The following ORMDL2 variants were observed in gnomAD, a reference collection of about 807,000 sequenced individuals.
ORMDL2 encodes the protein ORM1-like protein 2.
ORMDL2 carries 11 observed loss-of-function variants against 13.5 expected under a neutral mutation model. That is an observed-to-expected ratio of 0.82 (90% CI 0.51 to 1.35). ORMDL2 has a LOEUF of 1.35. ORMDL2 is among the 40% of genes most tolerant of loss of function. The pLI, the probability that ORMDL2 is intolerant of heterozygous loss-of-function variation, is 0.00. For synonymous variants in ORMDL2, 73 were observed against 76.5 expected (o/e 0.95, Z 0.24); for missense variants, 160 against 191.1 (o/e 0.84, Z 0.96).
chr12:55,818,105 G>A lies in ORMDL2; in HGVS notation c.-9G>A, dbSNP rs748123259. 2.0e-6 allele frequency: 1 copy of A among 490,524 alleles called. No homozygotes were observed. 30.4% of individuals were successfully genotyped at this position (490,524 alleles called of 1,614,324 possible). A position where few individuals can be genotyped will look rare whatever the true frequency, so the allele number is the denominator to read the frequency against. On this transcript the variant is annotated 5_prime_UTR_variant, in exon 1 of 4. Coordinates refer to ENST00000243045, the MANE Select transcript of ORMDL2 (RefSeq NM_014182.5). ...CGCCCATAGCCGGACGGGGATCTGAGCTGGCAGGTAGGAGCTGCAAAGACT... is the reference window on the plus strand; with the variant it reads ...CGCCCATAGCCGGACGGGGATCTGAACTGGCAGGTAGGAGCTGCAAAGACT...
chr12:55,819,959 C>T (rs766327746), intron 3 of ORMDL2, among the ~76,000 whole-genome samples: 1 of 152,142 alleles, frequency 6.6e-6, no homozygotes, highest in South Asian at 2.1e-4. Flanking sequence ...AAAGTAAATG[C>T]TGTTGATATA....
chr12:55,820,559 G>C lies in ORMDL2; in HGVS notation c.*164G>C. On this transcript the variant is annotated 3_prime_UTR_variant, in exon 4 of 4. Transcript: ENST00000243045. ...AGAAGAGAAGAGATTGGCAAATGGG[G>C]CTCCTGGGCCCAGTCCTGCTAGTGG... 1.2e-6 allele frequency: 1 copy of C among 820,178 alleles called. No individual in the cohort carries two copies. The allele number at this position is 820,178 out of a possible 1,614,324, so 50.8% of individuals were successfully genotyped here. A position where few individuals can be genotyped will look rare whatever the true frequency, so the allele number is the denominator to read the frequency against.
At chr12:55,818,155 T>C (rs1164701112) in intron 1 of ORMDL2, 43 bp downstream of exon 1, 2 of 457,838 alleles carry the variant, frequency 4.4e-6, no homozygotes, top group South Asian at 3.1e-5. Context: ...GGAAAAATGG[T>C]GGGAGGCGAA....
intron 2 of ORMDL2, 32 bp from the exon 3 acceptor site, chr12:55,819,309 TG>T: frequency 1.2e-6 from 2 of 1,601,418 alleles, no homozygotes; most frequent in Non-Finnish European, 8.5e-7. Flanking sequence ...AACTACTTTC[TG>T]CCCCTCACAC....
intron 3 of ORMDL2, 138 bp from the exon 4 acceptor site, chr12:55,820,122 T>A (rs1880626306): frequency 1.3e-6 from 1 of 764,686 alleles, no homozygotes; most frequent in Non-Finnish European, 2.2e-6. Flanking sequence ...GAGTTTGAGG[T>A]TGTACTGCAC....
rs1385318393 is a variant in ORMDL2 at position 55,819,469 on chromosome 12, T to G, written c.302T>G (p.Phe101Cys). 6.2e-7 allele frequency: 1 copy of G among 1,613,962 alleles called. No homozygotes were observed. Among genetic ancestry groups the G allele is most frequent in the Non-Finnish European group, 8.5e-7 (1 of 1,180,030 alleles). The change falls in exon 3 of 4, where the codon TTC becomes TGC. Residue 101 changes from phenylalanine (F) to cysteine (C), a missense_variant. By Grantham distance (205) the Phe-to-Cys change is radical. Transcript: ENST00000243045. ...CTCCAGTTTACCTCTTCCCGCAAGT[T>G]CCTCAGCATCTCTCCTATTGTGCTG... is the stretch of plus-strand genomic sequence containing the variant. ...YGLQFTSSRK[F>C]LSISPIVLYL... is the part of the protein sequence containing the mutation.
Position 55,819,327 on chromosome 12 carries a change from C to A in ORMDL2, c.175-15C>A, listed in dbSNP as rs1306856472. ...TACTTTCTGCCCCTCACACTGCCAC[C>A]TTCCCTGTTCCCAGGCTACGTATGT... is the stretch of plus-strand genomic sequence containing the variant. On this transcript the variant is annotated splice_polypyrimidine_tract_variant and intron_variant, in intron 2 of 3. Transcript: ENST00000243045. The A allele has an allele frequency of 6.2e-7, 1 of 1,609,420 alleles. No homozygotes were observed.
intron 2 of ORMDL2, 31 bp from the exon 3 acceptor site, chr12:55,819,311 C>T: frequency 6.2e-7 from 1 of 1,601,780 alleles, no homozygotes; most frequent in East Asian, 2.2e-5. Flanking sequence ...CTACTTTCTG[C>T]CCCTCACACT....
chr12:55,818,269 C>G, intron 1 of ORMDL2, 157 bp downstream of exon 1: 7 of 182,956 alleles, frequency 3.8e-5, no homozygotes, highest in South Asian at 5.3e-5. Context: ...GGGCATGGGG[C>G]GGGCTTAAGG....
Position 55,821,843 on chromosome 12 carries a change from A to C in ORMDL2, c.*1448A>C, listed in dbSNP as rs965031515. On this transcript the variant is annotated 3_prime_UTR_variant, in exon 4 of 4. Coordinates refer to ENST00000243045, the MANE Select transcript of ORMDL2 (RefSeq NM_014182.5). ...CTGCACTCCAGCTGGGCAACAGAGC[A>C]AGACTCCATCTCAAAAAATAAAAAG... The C allele has an allele frequency of 9.8e-7, 1 of 1,022,860 alleles. No homozygotes were observed. 63.4% of individuals were successfully genotyped at this position (1,022,860 alleles called of 1,614,324 possible).
chr12:55,821,862 T>G lies in ORMDL2; in HGVS notation c.*1467T>G, dbSNP rs915277338. 1.6e-5 allele frequency: 20 copies of G among 1,212,742 alleles called. No homozygotes were observed. The highest frequency in any genetic ancestry group is 4.6e-5 in the African/African-American group (3 of 64,710). The allele number at this position is 1,212,742 out of a possible 1,614,324, so 75.1% of individuals were successfully genotyped here. A position where few individuals can be genotyped will look rare whatever the true frequency, so the allele number is the denominator to read the frequency against. ...CAGAGCAAGACTCCATCTCAAAAAA[T>G]AAAAAGAAAAAGATTCAGTTCCTAG... On this transcript the variant is annotated 3_prime_UTR_variant, in exon 4 of 4. Coordinates refer to ENST00000243045, the MANE Select transcript of ORMDL2 (RefSeq NM_014182.5).
chr12:55,819,457 C>G lies in ORMDL2; in HGVS notation c.290C>G (p.Ser97Cys). Residue 97 changes from serine (S) to cysteine (C), a missense_variant, in exon 3 of 4, where the codon TCT becomes TGT. Physicochemically the swap from Ser to Cys is moderately radical, Grantham distance 112. Transcript: ENST00000243045. ...ATGGACTATGGGCTCCAGTTTACCT[C>G]TTCCCGCAAGTTCCTCAGCATCTCT... ...EQMDYGLQFTSSRKFLSISPI... is the reference protein window; with the variant it reads ...EQMDYGLQFTCSRKFLSISPI... 1 of 1,614,094 alleles carries G rather than the reference C, an allele frequency of 6.2e-7. No homozygotes were observed. Among genetic ancestry groups the G allele is most frequent in the Non-Finnish European group, 8.5e-7 (1 of 1,180,006 alleles).
At chr12:55,818,173 C>T in intron 1 of ORMDL2, 61 bp downstream of exon 1, 1 of 453,792 alleles carries the variant, frequency 2.2e-6, no homozygotes, top group South Asian at 1.6e-5. Flanking sequence ...GAAAGGGGCG[C>T]CGAGGGAGTG....
At chr12:55,819,884 T>C (rs537178101) in intron 3 of ORMDL2, among the ~76,000 whole-genome samples, 52 of 152,344 alleles carry the variant, frequency 3.4e-4, no homozygotes, top group Non-Finnish European at 6.8e-4. Context: ...TCATTTGCCA[T>C]GTCATTAACA....
In ORMDL2 at chr12:55,818,119, G is replaced by A. The variant is rs1307186553; in HGVS notation, c.-2+7G>A. 1.5e-5 allele frequency: 7 copies of A among 479,448 alleles called. No homozygotes were observed. Among genetic ancestry groups the A allele is most frequent in the Admixed American group, 4.6e-5 (2 of 43,184 alleles). The allele number at this position is 479,448 out of a possible 1,614,324, so 29.7% of individuals were successfully genotyped here. ...CGGGGATCTGAGCTGGCAGGTAGGA[G>A]CTGCAAAGACTGTAAGGGTTGCTGA... On this transcript the variant is annotated splice_region_variant and intron_variant, in intron 1 of 3. Transcript: ENST00000243045.
chr12:55,820,052 G>C (rs915972704), intron 3 of ORMDL2, among the ~76,000 whole-genome samples: 1 of 152,188 alleles, frequency 6.6e-6, no homozygotes, highest in South Asian at 2.1e-4. Context: ...GGGCACTGTG[G>C]TGCATGCCTG....
At position 55,821,842 on chromosome 12, in the gene ORMDL2, C is replaced by T. The variant is rs531569063; in HGVS notation, c.*1447C>T. On this transcript the variant is annotated 3_prime_UTR_variant, in exon 4 of 4. Transcript: ENST00000243045. ...ACTGCACTCCAGCTGGGCAACAGAG[C>T]AAGACTCCATCTCAAAAAATAAAAA... 1,471 of 1,014,146 alleles carry T rather than the reference C, an allele frequency of 1.5e-3. 10 individuals are homozygous for T. The highest frequency in any genetic ancestry group is 8.7e-4 in the Non-Finnish European group (614 of 705,978). 62.8% of individuals were successfully genotyped at this position (1,014,146 alleles called of 1,614,324 possible).
In ORMDL2 at chr12:55,820,245, T is replaced by C; in HGVS notation, c.327-15T>C. The C allele has an allele frequency of 6.2e-7, 1 of 1,604,302 alleles. No individual in the cohort carries two copies. The highest frequency in any genetic ancestry group is 8.5e-7 in the Non-Finnish European group (1 of 1,172,506). On this transcript the variant is annotated splice_polypyrimidine_tract_variant and intron_variant, in intron 3 of 3. Coordinates refer to ENST00000243045, the MANE Select transcript of ORMDL2 (RefSeq NM_014182.5). ...GAAGGTCAACCTCACTCACCCTATT[T>C]TTTTCTCTCCCCAGCTATCTCCTGG...
Position 55,820,247 on chromosome 12 carries a change from T to C in ORMDL2, c.327-13T>C. ...AGGTCAACCTCACTCACCCTATTTT[T>C]TTCTCTCCCCAGCTATCTCCTGGCC... On this transcript the variant is annotated splice_polypyrimidine_tract_variant and intron_variant, in intron 3 of 3. Transcript: ENST00000243045. 6.2e-7 allele frequency: 1 copy of C among 1,604,748 alleles called. No individual in the cohort carries two copies. Among genetic ancestry groups the C allele is most frequent in the Non-Finnish European group, 8.5e-7 (1 of 1,172,812 alleles).
Sources: allele counts gnomAD v4.1 joint callset (sites outside exome capture counted in the v4.1 genomes callset), GRCh38; gene constraint gnomAD v4.1.1; transcripts MANE v1.5; gene names NCBI Gene and HGNC (gene_info 2026-07-23, HGNC 2026-07-21).